The following DISC1 variants were observed in gnomAD, a reference collection of about 807,000 sequenced individuals.
DISC1 encodes DISC1 scaffold protein.
DISC1 carries 57 observed loss-of-function variants against 84.5 expected under a neutral mutation model. The observed-to-expected ratio is 0.67, with a 90% CI of 0.55 to 0.84. The LOEUF (loss-of-function observed/expected upper bound fraction) is 0.84. DISC1 is among the 40% of genes least tolerant of loss of function. DISC1 has a pLI of 0.00. For missense variants in DISC1, 1,000 were observed against 1,057.8 expected, an observed-to-expected ratio of 0.95 and a Z score of 0.76; for synonymous variants, 411 against 415.2, an observed-to-expected ratio of 0.99 and a Z score of 0.12.
intron 10 of DISC1, 143 bp downstream of exon 10, chr1:231,959,031 C>A (rs1234303755): frequency 7.0e-7 from 1 of 1,430,652 alleles, no homozygotes; most frequent in African/African-American, 1.5e-5. Context: ...CCTTTTGAAC[C>A]CCATCAGTGA....
intron 9 of DISC1, among the ~76,000 whole-genome samples, chr1:231,902,644 A>G (rs1023974483): frequency 7.2e-5 from 11 of 152,118 alleles, no homozygotes; most frequent in African/African-American, 2.6e-4. Flanking sequence ...TGGGGCTGCC[A>G]TGATAAATTA....
At chr1:231,749,901 C>G in intron 3 of DISC1, 25 bp from the exon 4 acceptor site, 2 of 1,613,980 alleles carry the variant, frequency 1.2e-6, no homozygotes, top group Non-Finnish European at 1.7e-6. Flanking sequence ...CTTTTTTCCT[C>G]TCTCTCATCA....
intron 9 of DISC1, among the ~76,000 whole-genome samples, chr1:231,870,465 G>A (rs967043892): frequency 5.9e-5 from 9 of 152,252 alleles, no homozygotes; most frequent in African/African-American, 2.2e-4. Flanking sequence ...GTTGGCCAGA[G>A]TGTGCTGGCT....
At chr1:231,906,482 G>A (rs2088651192) in intron 9 of DISC1, among the ~76,000 whole-genome samples, 1 of 152,134 alleles carries the variant, frequency 6.6e-6, no homozygotes, top group South Asian at 2.1e-4. Flanking sequence ...TTATGCACGA[G>A]GGATATGGAT....
intron 7 of DISC1, among the ~76,000 whole-genome samples, chr1:231,799,654 G>A (rs1301460439): frequency 1.3e-5 from 2 of 151,798 alleles, no homozygotes; most frequent in African/African-American, 4.8e-5. Flanking sequence ...CAGACAGGAG[G>A]ATTCGGCAGA....
At chr1:231,945,522 A>C (rs556114299) in intron 9 of DISC1, among the ~76,000 whole-genome samples, 2 of 152,350 alleles carry the variant, frequency 1.3e-5, no homozygotes, top group East Asian at 3.9e-4. Context: ...AGAGATCTAA[A>C]ATTGACACCC....
chr1:231,768,898 C>A (rs924012056), intron 5 of DISC1, among the ~76,000 whole-genome samples: 4 of 152,146 alleles, frequency 2.6e-5, no homozygotes, highest in African/African-American at 7.2e-5. Context: ...AGGGAGTAGG[C>A]CTTGCAGAAA....
intron 9 of DISC1, among the ~76,000 whole-genome samples, chr1:231,898,827 G>A (rs2087911679): frequency 6.6e-6 from 1 of 152,106 alleles, no homozygotes; most frequent in African/African-American, 2.4e-5. Flanking sequence ...CAGCTACTCA[G>A]GAGGCTGAGG....
At chr1:231,702,662 C>T in intron 3 of DISC1, 7 of 965,436 alleles carry the variant, frequency 7.3e-6, no homozygotes, top group Non-Finnish European at 8.6e-6. Flanking sequence ...AACAAAAAAA[C>T]CAATTAAAAT....
chr1:231,649,869 A>G (rs1359748763), intron 1 of DISC1, among the ~76,000 whole-genome samples: 2 of 152,210 alleles, frequency 1.3e-5, no homozygotes, highest in Non-Finnish European at 2.9e-5. Context: ...ATCAGAGACC[A>G]GGATTGCAAC....
At chr1:231,950,757 T>C (rs1203518701) in intron 9 of DISC1, among the ~76,000 whole-genome samples, 1 of 152,188 alleles carries the variant, frequency 6.6e-6, no homozygotes, top group Non-Finnish European at 1.5e-5. Flanking sequence ...GTAAAATCGG[T>C]ACCTGGGCTT....
chr1:231,765,452 A>G (rs1288722865), intron 4 of DISC1, among the ~76,000 whole-genome samples: 1 of 152,148 alleles, frequency 6.6e-6, no homozygotes, highest in Non-Finnish European at 1.5e-5. Context: ...CTTTTTATAA[A>G]TTAGCAATAT....
chr1:231,825,848 A>G (rs952161429), intron 9 of DISC1, among the ~76,000 whole-genome samples: 3 of 152,252 alleles, frequency 2.0e-5, no homozygotes, highest in African/African-American at 7.2e-5. Flanking sequence ...TATCTTTCAT[A>G]TAGATCCTTA....
At chr1:231,896,226 T>G (rs201417721) in intron 9 of DISC1, among the ~76,000 whole-genome samples, 6 of 152,028 alleles carry the variant, frequency 3.9e-5, no homozygotes, top group African/African-American at 7.2e-5. Flanking sequence ...GTCATGAGAG[T>G]GGCCTCCTGG....
chr1:231,806,995 G>A (rs573303149), intron 8 of DISC1, among the ~76,000 whole-genome samples: 4 of 152,316 alleles, frequency 2.6e-5, no homozygotes, highest in African/African-American at 4.8e-5. Flanking sequence ...TCCAAACCAC[G>A]GACCTGTAGT....
chr1:231,784,001 C>T (rs916556448), intron 6 of DISC1, among the ~76,000 whole-genome samples: 5 of 152,060 alleles, frequency 3.3e-5, no homozygotes, highest in African/African-American at 1.2e-4. Flanking sequence ...CAGTGGCTCA[C>T]GCCTGTAATC....
In DISC1 at chr1:231,775,100, A is replaced by C. The variant is rs1462751121; in HGVS notation, c.1634+4030A>C. Among the ~76,000 whole-genome samples, 4 of 152,360 alleles carry C rather than the reference A, an allele frequency of 2.6e-5. No homozygotes were observed. In the East Asian group the frequency reaches 5.8e-4, roughly 22 times the overall value. On this transcript the variant is annotated intron_variant, in intron 6 of 12. Coordinates refer to ENST00000439617, the MANE Select transcript of DISC1 (RefSeq NM_018662.3). ...AGAAGTTGCAGAGACTAGTATTGTT[A>C]CAAAACCTAGAGAAACAGATCACTC...
In DISC1 at chr1:231,698,954, C is replaced by G. The variant is rs2066053601; in HGVS notation, c.1048-3001C>G. 6.6e-6 allele frequency among the ~76,000 whole-genome samples: 1 copy of G among 152,124 alleles called. No homozygotes were observed. The highest frequency in any genetic ancestry group is 1.9e-4 in the East Asian group (1 of 5,198). ...AATGACAACGAGTACAATGCCTTAT[C>G]CTAGGCTTTGGAGATTGTATTAGGA... On this transcript the variant is annotated intron_variant, in intron 2 of 12. Coordinates refer to ENST00000439617, the MANE Select transcript of DISC1 (RefSeq NM_018662.3). The surrounding 1 kb of genome is among the most constrained non-coding windows in gnomAD (Gnocchi z 4.9).
intron 9 of DISC1, among the ~76,000 whole-genome samples, chr1:231,915,273 C>T (rs1490789374): frequency 6.6e-6 from 1 of 152,152 alleles, no homozygotes; most frequent in East Asian, 1.9e-4. Flanking sequence ...TATCTTTCTA[C>T]TTCCTGTGTG....
Sources: gnomAD v4.1 joint callset for allele counts (sites outside exome capture counted in the v4.1 genomes callset) on GRCh38, gnomAD v4.1.1 for gene constraint, Gnocchi (gnomAD v3.1) non-coding constraint, MANE v1.5 for transcripts, NCBI Gene and HGNC (gene_info 2026-07-23, HGNC 2026-07-21) for gene names.